The following LRRC4C variants were observed in gnomAD, a reference collection of about 807,000 sequenced individuals.
The protein encoded by LRRC4C is leucine-rich repeat-containing protein 4C.
In LRRC4C, 5 loss-of-function variants were observed where a neutral mutation model predicts 33.6. The ratio of observed to expected loss-of-function variants is 0.15; its 90% CI spans 0.08 to 0.31. LRRC4C has a LOEUF of 0.31. Among genes scored for constraint, LRRC4C ranks in the 10% least tolerant of loss-of-function variants. LRRC4C has a pLI of 1.00. For missense variants in LRRC4C, 560 were observed against 796.7 expected (o/e 0.70, Z 3.58); for synonymous variants, 329 against 302.0 (o/e 1.09, Z -0.93).
intron 1 of LRRC4C, among the ~76,000 whole-genome samples, chr11:40,949,520 G>A (rs56319401): frequency 0.035 from 5,342 of 151,202 alleles, 155 homozygotes; most frequent in South Asian, 0.14. Flanking sequence ...CGGATCTCTC[G>A]GCAGAAACTC....
At chr11:40,392,087 G>T (rs1949359900) in intron 3 of LRRC4C, among the ~76,000 whole-genome samples, 1 of 152,136 alleles carries the variant, frequency 6.6e-6, no homozygotes. Flanking sequence ...ATGACATTCT[G>T]GGAAAGGCAG....
chr11:40,944,957 T>C (rs1045943873), intron 1 of LRRC4C, among the ~76,000 whole-genome samples: 4 of 152,070 alleles, frequency 2.6e-5, no homozygotes, highest in African/African-American at 9.7e-5. Flanking sequence ...GAGTCCTGCG[T>C]TTCTCCTCAT....
At chr11:40,127,711 T>G (rs1040639991) in intron 6 of LRRC4C, among the ~76,000 whole-genome samples, 1 of 152,188 alleles carries the variant, frequency 6.6e-6, no homozygotes, top group African/African-American at 2.4e-5. Flanking sequence ...TCCAATCTGA[T>G]TATCTGACTA....
chr11:40,587,977 G>T (rs967095240), intron 3 of LRRC4C, among the ~76,000 whole-genome samples: 5 of 152,090 alleles, frequency 3.3e-5, no homozygotes, highest in African/African-American at 4.8e-5. Flanking sequence ...GTATCAGAAT[G>T]ATGCTGGCCT....
intron 1 of LRRC4C, among the ~76,000 whole-genome samples, chr11:41,308,817 T>C (rs1303464965): frequency 2.0e-5 from 3 of 152,060 alleles, no homozygotes; most frequent in African/African-American, 7.2e-5. Context: ...TTCTTTTTTT[T>C]TTTTTAGACA....
At chr11:41,406,514 C>T (rs991394316) in intron 1 of LRRC4C, among the ~76,000 whole-genome samples, 26 of 152,048 alleles carry the variant, frequency 1.7e-4, no homozygotes, top group Non-Finnish European at 1.8e-4. Flanking sequence ...GGTCTCTGTA[C>T]TTACGCAATG....
intron 2 of LRRC4C, among the ~76,000 whole-genome samples, chr11:40,801,846 C>T (rs1253869269): frequency 6.6e-6 from 1 of 152,064 alleles, no homozygotes; most frequent in Non-Finnish European, 1.5e-5. Context: ...GGCATGCCTG[C>T]ATTAATCACA....
chr11:40,621,166 C>CAT (rs1433390070), intron 3 of LRRC4C, among the ~76,000 whole-genome samples: 1 of 151,704 alleles, frequency 6.6e-6, no homozygotes, highest in Non-Finnish European at 1.5e-5. Context: ...TTTCTTCATC[C>CAT]ATATAGGAAA....
intron 1 of LRRC4C, among the ~76,000 whole-genome samples, chr11:41,165,996 A>G (rs958787590): frequency 6.6e-6 from 1 of 150,462 alleles, no homozygotes; most frequent in African/African-American, 2.4e-5. Flanking sequence ...GTGCCATTGC[A>G]CTCCAGCCTC....
chr11:41,005,086 A>T (rs1854646616), intron 1 of LRRC4C, among the ~76,000 whole-genome samples: 1 of 151,898 alleles, frequency 6.6e-6, no homozygotes, highest in South Asian at 2.1e-4. Context: ...TCTGGCTGGC[A>T]CCTCCCTCCC....
chr11:40,972,674 G>A (rs1199920304), intron 1 of LRRC4C, among the ~76,000 whole-genome samples: 2 of 152,174 alleles, frequency 1.3e-5, no homozygotes, highest in Admixed American at 1.3e-4. Flanking sequence ...TGAGAGCGAA[G>A]TTGGGAAAAG....
At chr11:40,952,653 T>C (rs1294208795) in intron 1 of LRRC4C, among the ~76,000 whole-genome samples, 1 of 151,768 alleles carries the variant, frequency 6.6e-6, no homozygotes, top group Non-Finnish European at 1.5e-5. Context: ...TGGGTAGAGG[T>C]CCAACAAGAC....
At chr11:40,531,793 A>G (rs892001913) in intron 3 of LRRC4C, among the ~76,000 whole-genome samples, 1 of 151,788 alleles carries the variant, frequency 6.6e-6, no homozygotes, top group Non-Finnish European at 1.5e-5. Flanking sequence ...TATAAAATTT[A>G]TGTTTGTTTG....
At chr11:40,543,006 C>T (rs182587153) in intron 3 of LRRC4C, among the ~76,000 whole-genome samples, 2 of 152,138 alleles carry the variant, frequency 1.3e-5, no homozygotes, top group East Asian at 3.9e-4. Context: ...TCAATAGCTT[C>T]TTAAGTTATG....
chr11:40,212,923 T>C (rs755387027), intron 5 of LRRC4C, among the ~76,000 whole-genome samples: 12 of 151,934 alleles, frequency 7.9e-5, no homozygotes, highest in Non-Finnish European at 1.8e-4. Context: ...AATGGCTGAG[T>C]TGGAAATTCT....
At chr11:41,170,820 C>T (rs1944942707) in intron 1 of LRRC4C, among the ~76,000 whole-genome samples, 1 of 152,104 alleles carries the variant, frequency 6.6e-6, no homozygotes, top group African/African-American at 2.4e-5. Context: ...AACAGGCAAC[C>T]TACAGAATGG....
At chr11:40,370,705 G>C (rs1948412601) in intron 3 of LRRC4C, among the ~76,000 whole-genome samples, 2 of 152,098 alleles carry the variant, frequency 1.3e-5, no homozygotes, top group African/African-American at 4.8e-5. Context: ...AAATGTTTTA[G>C]TAAAACATTT....
chr11:40,621,439 A>T (rs1024697368), intron 3 of LRRC4C, among the ~76,000 whole-genome samples: 1 of 151,744 alleles, frequency 6.6e-6, no homozygotes, highest in African/African-American at 2.4e-5. Flanking sequence ...TCTGCTGTTT[A>T]TTCAGTGTTC....
intron 5 of LRRC4C, among the ~76,000 whole-genome samples, chr11:40,193,008 G>A (rs1401883859): frequency 6.6e-6 from 1 of 152,190 alleles, no homozygotes; most frequent in African/African-American, 2.4e-5. Context: ...ATGGGGGAAG[G>A]GGCAGCTGTG....
Sources: allele counts gnomAD v4.1 joint callset (sites outside exome capture counted in the v4.1 genomes callset), GRCh38; gene constraint gnomAD v4.1.1; transcripts MANE v1.5; gene names NCBI Gene and HGNC (gene_info 2026-07-23, HGNC 2026-07-21).